Variants in MAPK10 observed in about 807,000 individuals in gnomAD.
MAPK10 encodes JNK3 alpha protein kinase.
MAPK10 carries 25 observed loss-of-function variants against 59.3 expected under a neutral mutation model. The observed-to-expected ratio is 0.42, with a 90% CI of 0.31 to 0.59. The LOEUF (loss-of-function observed/expected upper bound fraction) is 0.59, where lower values mean the gene tolerates loss of function less well. MAPK10 is among the 20% of genes least tolerant of loss of function. The pLI is 0.15. For missense variants in MAPK10, 351 were observed against 568.9 expected (o/e 0.62, Z 3.90); for synonymous variants, 190 against 200.5 (o/e 0.95, Z 0.44).
chr4:86,072,336 A>G (rs1245031700), intron 9 of MAPK10, among the ~76,000 whole-genome samples: 1 of 152,068 alleles, frequency 6.6e-6, no homozygotes, highest in Non-Finnish European at 1.5e-5. Flanking sequence ...TGTCGTCTCC[A>G]AACAGGGACA....
At chr4:86,214,959 A>C (rs1267357083) in intron 2 of MAPK10, among the ~76,000 whole-genome samples, 2 of 152,260 alleles carry the variant, frequency 1.3e-5, no homozygotes, top group African/African-American at 4.8e-5. Context: ...TAGCCAAAAC[A>C]ACCTTGAAAA....
At chr4:86,111,944 T>C (rs1580448320) in intron 4 of MAPK10, among the ~76,000 whole-genome samples, 1 of 152,114 alleles carries the variant, frequency 6.6e-6, no homozygotes, top group Non-Finnish European at 1.5e-5. Context: ...CTGGTTCAGT[T>C]TGAGGAGGGC....
chr4:86,498,227 G>T (rs912686751), intron 1 of MAPK10, among the ~76,000 whole-genome samples: 3 of 152,164 alleles, frequency 2.0e-5, no homozygotes, highest in Admixed American at 6.5e-5. Flanking sequence ...ATGTAAAAGG[G>T]ACTAACCCTG....
intron 1 of MAPK10, among the ~76,000 whole-genome samples, chr4:86,377,240 TC>T (rs1410595244): frequency 6.6e-6 from 1 of 152,216 alleles, no homozygotes; most frequent in Non-Finnish European, 1.5e-5. Flanking sequence ...TTAAGGCAAT[TC>T]TTTTGCAGGA....
intron 3 of MAPK10, among the ~76,000 whole-genome samples, chr4:86,178,282 A>C (rs1375451077): frequency 6.6e-6 from 1 of 152,022 alleles, no homozygotes; most frequent in South Asian, 2.1e-4. Flanking sequence ...AATATTAATA[A>C]ATTTTTCACA....
chr4:86,419,823 G>A (rs1746287491), intron 1 of MAPK10, among the ~76,000 whole-genome samples: 1 of 152,070 alleles, frequency 6.6e-6, no homozygotes, highest in South Asian at 2.1e-4. Context: ...CAGTAAATTA[G>A]AGTATAATTC....
intron 9 of MAPK10, among the ~76,000 whole-genome samples, chr4:86,084,587 A>T (rs1315091695): frequency 6.6e-6 from 1 of 152,144 alleles, no homozygotes; most frequent in Non-Finnish European, 1.5e-5. Flanking sequence ...AAACACTGAT[A>T]AAAAAATTGA....
chr4:86,273,993 G>T (rs1209780466), intron 2 of MAPK10, among the ~76,000 whole-genome samples: 1 of 151,804 alleles, frequency 6.6e-6, no homozygotes, highest in African/African-American at 2.4e-5. Context: ...CACTTAAAAT[G>T]GATTTTATTG....
intron 1 of MAPK10, among the ~76,000 whole-genome samples, chr4:86,396,078 G>C (rs1742885828): frequency 2.0e-5 from 3 of 152,214 alleles, no homozygotes; most frequent in South Asian, 4.1e-4. Flanking sequence ...GGGCGAGGTG[G>C]CTCACGCCTG....
At chr4:86,436,508 CT>C (rs1203068860) in intron 1 of MAPK10, among the ~76,000 whole-genome samples, 5 of 151,862 alleles carry the variant, frequency 3.3e-5, no homozygotes, top group Admixed American at 2.6e-4. Flanking sequence ...CCAATGTAGC[CT>C]TTTTTTGATG....
intron 1 of MAPK10, among the ~76,000 whole-genome samples, chr4:86,424,255 A>G (rs1015907645): frequency 1.3e-5 from 2 of 151,924 alleles, no homozygotes. Context: ...CAGTGGCGCA[A>G]TCTCGAACAC....
chr4:86,400,873 T>C (rs4385018), intron 1 of MAPK10, among the ~76,000 whole-genome samples: 76,273 of 151,930 alleles, frequency 0.5, 19,147 homozygotes, highest in Admixed American at 0.53. Flanking sequence ...GCCATTATTC[T>C]TTTATTTTTA....
At chr4:86,103,598 GCAGTAAAACACT>G (rs1378349503) in intron 5 of MAPK10, among the ~76,000 whole-genome samples, 5 of 152,052 alleles carry the variant, frequency 3.3e-5, no homozygotes, top group African/African-American at 1.2e-4. Context: ...GAGAGAGGTG[GCAGTAAAACACT>G]CAGTGAGACT....
intron 1 of MAPK10, among the ~76,000 whole-genome samples, chr4:86,368,408 G>C (rs914577268): frequency 3.3e-5 from 5 of 152,102 alleles, no homozygotes; most frequent in Non-Finnish European, 7.4e-5. Context: ...CATTCTTTGC[G>C]TTGTGCATTT....
At chr4:86,318,628 T>C (rs1341434026) in intron 2 of MAPK10, among the ~76,000 whole-genome samples, 2 of 152,132 alleles carry the variant, frequency 1.3e-5, no homozygotes, top group Admixed American at 1.3e-4. Flanking sequence ...CCCCATTTCC[T>C]TGCATCATTT....
At chr4:86,357,310 A>C (rs913560869) in intron 1 of MAPK10, among the ~76,000 whole-genome samples, 11 of 152,210 alleles carry the variant, frequency 7.2e-5, no homozygotes, top group African/African-American at 2.7e-4. Flanking sequence ...ATTTGTCTTT[A>C]GCTTTTAGTA....
chr4:86,028,698 G>T (rs1751591070), intron 13 of MAPK10: 2 of 178,206 alleles, frequency 1.1e-5, no homozygotes, highest in East Asian at 1.5e-4. Context: ...ATGCACAATT[G>T]TGTATTAGAT....
chr4:86,059,502 T>C (rs2045306460), intron 11 of MAPK10, among the ~76,000 whole-genome samples: 1 of 152,190 alleles, frequency 6.6e-6, no homozygotes, highest in South Asian at 2.1e-4. Context: ...TCAGCACTAA[T>C]ACATGTAACT....
chr4:86,454,334 A>C (rs1453286291), upstream of MAPK10, among the ~76,000 whole-genome samples: 3 of 152,236 alleles, frequency 2.0e-5, no homozygotes, highest in Admixed American at 2.0e-4. Flanking sequence ...CACCTGAGAA[A>C]GGCGAAGCCC....
Sources: allele counts gnomAD v4.1 joint callset (sites outside exome capture counted in the v4.1 genomes callset), GRCh38; gene constraint gnomAD v4.1.1; transcripts MANE v1.5; gene names NCBI Gene and HGNC (gene_info 2026-07-23, HGNC 2026-07-21).